The following TMEM132D variants were observed in gnomAD, a reference collection of about 807,000 sequenced individuals.
TMEM132D encodes mature OL transmembrane protein.
In TMEM132D, 21 loss-of-function variants were observed where a neutral mutation model predicts 62.3. The observed-to-expected ratio is 0.34, with a 90% CI of 0.24 to 0.49. The LOEUF (loss-of-function observed/expected upper bound fraction) is 0.49. TMEM132D is among the 20% of genes least tolerant of loss of function. The pLI, the probability that TMEM132D is intolerant of heterozygous loss-of-function variation, is 0.99. For missense variants in TMEM132D, 1,346 were observed against 1,402.8 expected (o/e 0.96, Z 0.65); for synonymous variants, 621 against 575.6 (o/e 1.08, Z -1.13).
chr12:129,444,018 C>A (rs945987226), intron 3 of TMEM132D, among the ~76,000 whole-genome samples: 2 of 152,278 alleles, frequency 1.3e-5, no homozygotes, highest in East Asian at 3.9e-4. Flanking sequence ...AAGGACTCCC[C>A]TTTCCCCAAT....
chr12:129,887,169 AG>A (rs1196738983), intron 1 of TMEM132D, among the ~76,000 whole-genome samples: 1 of 152,184 alleles, frequency 6.6e-6, no homozygotes, highest in African/African-American at 2.4e-5. Context: ...ATCAGTAACC[AG>A]GGGGAAAACA....
chr12:129,090,807 C>T (rs7300279), intron 5 of TMEM132D, among the ~76,000 whole-genome samples: 9,064 of 152,254 alleles, frequency 0.06, 913 homozygotes, highest in African/African-American at 0.21. Flanking sequence ...CAAAATGGGG[C>T]CTCCAATCTG....
At chr12:129,598,369 T>C (rs1479909666) in intron 2 of TMEM132D, among the ~76,000 whole-genome samples, 1 of 152,206 alleles carries the variant, frequency 6.6e-6, no homozygotes. Context: ...TTATCTCTGA[T>C]GGACGTGACT....
At chr12:129,538,509 G>A (rs923461025) in intron 2 of TMEM132D, among the ~76,000 whole-genome samples, 3 of 152,140 alleles carry the variant, frequency 2.0e-5, no homozygotes, top group African/African-American at 7.2e-5. Flanking sequence ...AAGACCCCCA[G>A]TGGATGTATG....
At chr12:129,488,311 C>G (rs931293706) in intron 3 of TMEM132D, among the ~76,000 whole-genome samples, 6 of 152,210 alleles carry the variant, frequency 3.9e-5, no homozygotes, top group Non-Finnish European at 8.8e-5. Context: ...CTGGCACCAG[C>G]CCTGCAGCTT....
chr12:129,354,512 C>T (rs775203967), intron 3 of TMEM132D, among the ~76,000 whole-genome samples: 17 of 151,914 alleles, frequency 1.1e-4, no homozygotes, highest in African/African-American at 1.9e-4. Flanking sequence ...TTAGTAGAGA[C>T]GAGGTTTCAC....
intron 3 of TMEM132D, among the ~76,000 whole-genome samples, chr12:129,449,197 C>T (rs897826864): frequency 3.3e-5 from 5 of 152,288 alleles, no homozygotes; most frequent in African/African-American, 4.8e-5. Context: ...GAGCAGTCAC[C>T]GCATCAGTGT....
chr12:129,140,244 G>T (rs1317053836), intron 5 of TMEM132D, among the ~76,000 whole-genome samples: 1 of 69,060 alleles, frequency 1.4e-5, no homozygotes, highest in Admixed American at 1.3e-4. Flanking sequence ...ACACACACAC[G>T]GTAACTATGT....
chr12:129,339,673 C>A (rs762277201), intron 3 of TMEM132D, among the ~76,000 whole-genome samples: 3 of 152,186 alleles, frequency 2.0e-5, no homozygotes, highest in Non-Finnish European at 4.4e-5. Context: ...AATTAAGATG[C>A]TAGAATGCAC....
intron 4 of TMEM132D, among the ~76,000 whole-genome samples, chr12:129,219,562 G>C (rs1192197200): frequency 6.6e-6 from 1 of 152,190 alleles, no homozygotes; most frequent in African/African-American, 2.4e-5. Flanking sequence ...CATGCAAGGA[G>C]AGAAATTCCC....
chr12:129,302,831 C>T (rs541198045), intron 4 of TMEM132D, among the ~76,000 whole-genome samples: 56 of 152,206 alleles, frequency 3.7e-4, no homozygotes, highest in Non-Finnish European at 6.8e-4. Flanking sequence ...AAAGCCTCCA[C>T]CCATGTGAGA....
chr12:129,503,763 A>G (rs1283722179), intron 3 of TMEM132D, among the ~76,000 whole-genome samples: 1 of 152,194 alleles, frequency 6.6e-6, no homozygotes, highest in African/African-American at 2.4e-5. Flanking sequence ...ATTGACCCCA[A>G]GCTTAGGGAA....
chr12:129,214,594 T>A (rs1242907250), intron 4 of TMEM132D, among the ~76,000 whole-genome samples: 1 of 152,174 alleles, frequency 6.6e-6, no homozygotes, highest in African/African-American at 2.4e-5. Flanking sequence ...GACACATTTC[T>A]GGCCCAGAAG....
intron 5 of TMEM132D, among the ~76,000 whole-genome samples, chr12:129,101,553 T>C (rs965068453): frequency 6.6e-6 from 1 of 152,124 alleles, no homozygotes; most frequent in African/African-American, 2.4e-5. Flanking sequence ...GTTAAAACAC[T>C]ATCTACAAGA....
intron 5 of TMEM132D, among the ~76,000 whole-genome samples, chr12:129,114,460 C>T (rs372519850): frequency 6.6e-6 from 1 of 151,252 alleles, no homozygotes; most frequent in East Asian, 2.0e-4. Flanking sequence ...CTTTTCTCAT[C>T]TCTTCTCTTC....
chr12:129,457,410 A>G (rs1277250727), intron 3 of TMEM132D, among the ~76,000 whole-genome samples: 3 of 135,152 alleles, frequency 2.2e-5, no homozygotes, highest in African/African-American at 8.1e-5. Context: ...TGGACACAGG[A>G]AGGGGAACAT....
intron 5 of TMEM132D, among the ~76,000 whole-genome samples, chr12:129,089,367 A>C (rs1247737232): frequency 2.4e-5 from 1 of 41,668 alleles, no homozygotes; most frequent in Non-Finnish European, 3.8e-5. Context: ...GGTGTCCTCT[A>C]TGACCGGGAT....
intron 5 of TMEM132D, among the ~76,000 whole-genome samples, chr12:129,195,058 A>G (rs1393473312): frequency 1.3e-5 from 2 of 152,246 alleles, no homozygotes. Context: ...AACAGATAAC[A>G]AGCAAAAAAT....
chr12:129,409,824 T>A (rs1871910604), intron 3 of TMEM132D, among the ~76,000 whole-genome samples: 1 of 152,218 alleles, frequency 6.6e-6, no homozygotes, highest in Non-Finnish European at 1.5e-5. Context: ...ATCTGCATAA[T>A]CTTGCATGAG....
Sources: gnomAD v4.1 joint callset for allele counts (sites outside exome capture counted in the v4.1 genomes callset) on GRCh38, gnomAD v4.1.1 for gene constraint, MANE v1.5 for transcripts, NCBI Gene and HGNC (gene_info 2026-07-23, HGNC 2026-07-21) for gene names.